Variants in COPE observed in about 807,000 individuals in gnomAD.
The protein encoded by COPE is coat protein complex I subunit epsilon.
In COPE, 19 loss-of-function variants were observed where a neutral mutation model predicts 42.1. That is an observed-to-expected ratio of 0.45 (90% CI 0.31 to 0.66). COPE has a LOEUF of 0.66. Among genes scored for constraint, COPE ranks in the 30% least tolerant of loss-of-function variants. COPE has a pLI of 0.05. For missense variants in COPE, 402 were observed against 416.1 expected (o/e 0.97, Z 0.30); for synonymous variants, 195 against 181.3 (o/e 1.08, Z -0.60).
At chr19:18,903,479 G>A (rs779579283) in intron 6 of COPE, 56 bp from the exon 7 acceptor site, 320 of 1,538,744 alleles carry the variant, frequency 2.1e-4, no homozygotes, top group Non-Finnish European at 2.6e-4. Context: ...CCCTTCCCCC[G>A]CCAGCCCCCT....
At chr19:18,915,762 T>C (rs2056848862) in intron 1 of COPE, among the ~76,000 whole-genome samples, 1 of 152,206 alleles carries the variant, frequency 6.6e-6, no homozygotes, top group Non-Finnish European at 1.5e-5. Flanking sequence ...TCTGTCCCTG[T>C]AGCCAGTGAT....
At chr19:18,918,479 C>T (rs1485596540) in intron 1 of COPE, among the ~76,000 whole-genome samples, 2 of 152,134 alleles carry the variant, frequency 1.3e-5, no homozygotes. Context: ...AACTTTGTCA[C>T]CCAGGCTGGA....
intron 6 of COPE, among the ~76,000 whole-genome samples, chr19:18,904,043 G>A (rs1419690262): frequency 2.0e-5 from 3 of 152,164 alleles, no homozygotes; most frequent in Non-Finnish European, 4.4e-5. Context: ...TTGGCTCACC[G>A]CAACCTCCAC....
At chr19:18,910,855 CCTAAT>C in intron 3 of COPE, 111 bp downstream of exon 3, 1 of 858,350 alleles carries the variant, frequency 1.2e-6, no homozygotes, top group Non-Finnish European at 1.9e-6. Context: ...GGGAGAGGCG[CCTAAT>C]CTGAGGGATG....
chr19:18,909,288 CACAGCCCGGGCAGTTAAGGACA>C (rs1568319698), intron 3 of COPE, among the ~76,000 whole-genome samples: 1 of 152,190 alleles, frequency 6.6e-6, no homozygotes, highest in Non-Finnish European at 1.5e-5. Flanking sequence ...GGCAAAGCAC[CACAGCCCGGGCAGTTAAGGACA>C]ACAGGGATTC....
chr19:18,919,079 A>G, intron 1 of COPE, 144 bp downstream of exon 1: 1 of 748,822 alleles, frequency 1.3e-6, no homozygotes, highest in South Asian at 1.8e-5. Context: ...GACAGTGACT[A>G]CTCCTCACTG....
chr19:18,917,437 T>C (rs2056864285), intron 1 of COPE, among the ~76,000 whole-genome samples: 1 of 151,884 alleles, frequency 6.6e-6, no homozygotes, highest in Non-Finnish European at 1.5e-5. Context: ...GGCTGGATCT[T>C]GGCTCACTGC....
Position 18,904,788 on chromosome 19 carries a change from A to G in COPE, c.562T>C (p.Trp188Arg). ...DATLTQLATA[W>R]VSLATGGEKL... ...GGGCTCACCGTGGCCAGGCTGACCC[A>G]GGCAGTGGCGAGCTGGGTGAGGGTG... is the stretch of plus-strand genomic sequence containing the variant. Residue 188 changes from tryptophan (W) to arginine (R), a missense_variant, in exon 6 of 10, where the codon TGG (tryptophan) becomes CGG (arginine). By Grantham distance (101) the Trp-to-Arg change is moderately radical. Coordinates refer to ENST00000262812, the MANE Select transcript of COPE (RefSeq NM_007263.4). 15 of 1,554,002 alleles carry G rather than the reference A, an allele frequency of 9.7e-6. No homozygotes were observed. Among genetic ancestry groups the G allele is most frequent in the Non-Finnish European group, 1.3e-5 (15 of 1,148,330 alleles).
chr19:18,907,926 G>A (rs531093587), intron 3 of COPE, among the ~76,000 whole-genome samples: 3 of 152,120 alleles, frequency 2.0e-5, no homozygotes, highest in Non-Finnish European at 4.4e-5. Flanking sequence ...CTGAGGGCTC[G>A]CCACAGTGCC....
chr19:18,917,072 C>A (rs1432847352), intron 1 of COPE, among the ~76,000 whole-genome samples: 1 of 151,854 alleles, frequency 6.6e-6, no homozygotes, highest in Non-Finnish European at 1.5e-5. Flanking sequence ...ACTTCCCTGC[C>A]TCTCCCAGCT....
At chr19:18,917,833 C>T (rs979304690) in intron 1 of COPE, among the ~76,000 whole-genome samples, 2 of 152,064 alleles carry the variant, frequency 1.3e-5, no homozygotes, top group Non-Finnish European at 2.9e-5. Context: ...ATTCCTTTCC[C>T]TTCAGGTGCA....
chr19:18,913,251 G>A (rs918754755), intron 1 of COPE, among the ~76,000 whole-genome samples: 8 of 152,106 alleles, frequency 5.3e-5, no homozygotes, highest in Non-Finnish European at 7.4e-5. Flanking sequence ...ATCTCATCCC[G>A]CGCTGACACC....
chr19:18,913,936 C>T (rs1193935759), intron 1 of COPE, among the ~76,000 whole-genome samples: 3 of 152,130 alleles, frequency 2.0e-5, no homozygotes, highest in African/African-American at 4.8e-5. Flanking sequence ...CCACAGATTC[C>T]AAGCCACATC....
At chr19:18,917,656 C>A (rs372021003) in intron 1 of COPE, among the ~76,000 whole-genome samples, 8 of 152,180 alleles carry the variant, frequency 5.3e-5, no homozygotes, top group African/African-American at 1.7e-4. Flanking sequence ...AACCACCGCG[C>A]CCGGCCAGGA....
intron 1 of COPE, among the ~76,000 whole-genome samples, chr19:18,918,815 G>A (rs530105157): frequency 6.6e-6 from 1 of 152,222 alleles, no homozygotes; most frequent in African/African-American, 2.4e-5. Context: ...GAATGGGTAA[G>A]CTCTGGGAGA....
At chr19:18,913,068 A>G (rs774011313) in intron 1 of COPE, 22 bp from the exon 2 acceptor site, 1 of 1,603,886 alleles carries the variant, frequency 6.2e-7, no homozygotes, top group Non-Finnish European at 8.5e-7. Context: ...AATGTGAGTC[A>G]GGACGCACAG....
chr19:18,913,006 AG>A lies in COPE; in HGVS notation c.166del (p.Leu56CysfsTer53). On this transcript the variant is annotated frameshift_variant, in exon 2 of 10. Coordinates refer to ENST00000262812, the MANE Select transcript of COPE (RefSeq NM_007263.4). LOFTEE classifies it high-confidence loss of function. ...PERDVERDVF[L>X]YRAYLAQRKF... ...CACCTGCGCCAGGTACGCTCTATAC[AG>A]GAAGACGTCCCTCTCCACGTCTCTC... The A allele has an allele frequency of 6.2e-7, 1 of 1,612,040 alleles. No homozygotes were observed.
intron 7 of COPE, 94 bp downstream of exon 7, chr19:18,903,174 G>T: frequency 7.5e-7 from 1 of 1,328,530 alleles, no homozygotes; most frequent in Non-Finnish European, 9.9e-7. Context: ...ACACCCAGGG[G>T]GTCTCTGCTA....
chr19:18,911,701 G>A (rs538723833), intron 2 of COPE, among the ~76,000 whole-genome samples: 8 of 150,236 alleles, frequency 5.3e-5, no homozygotes, highest in South Asian at 4.3e-4. Flanking sequence ...ACAGGCGCCC[G>A]CCACCACGCC....
Sources: allele counts gnomAD v4.1 joint callset (sites outside exome capture counted in the v4.1 genomes callset), GRCh38; gene constraint gnomAD v4.1.1; transcripts MANE v1.5; gene names NCBI Gene and HGNC (gene_info 2026-07-23, HGNC 2026-07-21).